Variants in SPTA1 observed in about 807,000 individuals in gnomAD.
SPTA1 encodes the protein spectrin alpha, erythrocytic 1.
A neutral mutation model predicts 324.7 loss-of-function variants in SPTA1; 177 were observed. That is an observed-to-expected ratio of 0.55 (90% CI 0.48 to 0.62). The LOEUF (loss-of-function observed/expected upper bound fraction) is 0.62. Ranked by LOEUF, SPTA1 falls within the 20% of genes least tolerant of loss-of-function variation. The pLI is 0.00. For synonymous variants in SPTA1, 1,195 were observed against 1,041.3 expected (o/e 1.15, Z -2.84); for missense variants, 3,162 against 2,883.6 (o/e 1.10, Z -2.21).
At chr1:158,612,755 C>T in intron 51 of SPTA1, 62 bp downstream of exon 51, 1 of 1,602,870 alleles carries the variant, frequency 6.2e-7, no homozygotes, top group Non-Finnish European at 8.5e-7. Context: ...GCCACCGGGC[C>T]TGAGATGACC....
At chr1:158,614,986 G>A (rs1166290773) in intron 48 of SPTA1, 5 of 527,274 alleles carry the variant, frequency 9.5e-6, no homozygotes, top group Non-Finnish European at 1.7e-5. Flanking sequence ...GTCAGTTGTT[G>A]TCCAAGTGGG....
In SPTA1 at chr1:158,615,381, G is replaced by T. The variant is rs751271842; in HGVS notation, c.6623C>A (p.Ala2208Glu). The T allele has an allele frequency of 6.2e-6, 10 of 1,613,910 alleles. No individual in the cohort carries two copies. In the African/African-American group the frequency reaches 1.2e-4, roughly 19 times the overall value. Residue 2208 changes from alanine to glutamate, a missense_variant, in exon 48 of 52, where the codon GCG (alanine) becomes GAG (glutamate). By Grantham distance (107) the Ala-to-Glu change is moderately radical. Transcript: ENST00000643759. Reference sequence around the variant, plus strand: ...AATCTTGGTTAGTTGACGCTTCATCGCCTGGATCTCCTTCTGTTTTCTCTG... The same window carrying T: ...AATCTTGGTTAGTTGACGCTTCATCTCCTGGATCTCCTTCTGTTTTCTCTG... The part of the protein sequence containing the change: ...ANKRKQKEIQ[A>E]MKRQLTKIVD...
chr1:158,647,460 G>T (rs983997304), intron 27 of SPTA1, 79 bp downstream of exon 27: 1 of 1,573,810 alleles, frequency 6.4e-7, no homozygotes, highest in Non-Finnish European at 8.7e-7. Context: ...AAAACCAGCA[G>T]TGAACAGCAT....
intron 2 of SPTA1, among the ~76,000 whole-genome samples, chr1:158,684,770 A>G (rs1655048591): frequency 6.6e-6 from 1 of 152,176 alleles, no homozygotes; most frequent in South Asian, 2.1e-4. Flanking sequence ...TGCCCTTATC[A>G]ATAAGCAATA....
chr1:158,683,100 T>G (rs1367893717), intron 3 of SPTA1, among the ~76,000 whole-genome samples: 2 of 152,024 alleles, frequency 1.3e-5, no homozygotes, highest in African/African-American at 4.8e-5. Flanking sequence ...GTGGAACAGG[T>G]TTAAGTGGGC....
At position 158,645,258 on chromosome 1, in the gene SPTA1, A is replaced by T. The variant is rs1157559707; in HGVS notation, c.4124T>A (p.Leu1375Gln). The T allele has an allele frequency of 1.9e-6, 3 of 1,613,946 alleles. No individual in the cohort carries two copies. The highest frequency in any genetic ancestry group is 2.2e-5 in the South Asian group (2 of 91,070). Residue 1375 changes from leucine (L) to glutamine (Q), a missense_variant, in exon 29 of 52, where the codon CTA (leucine) becomes CAA (glutamine). By Grantham distance (113) the Leu-to-Gln change is moderately radical (BLOSUM62 -2). Coordinates refer to ENST00000643759, the MANE Select transcript of SPTA1 (RefSeq NM_003126.4). ...AGCCTTCTCCAAATCATCTCTCTCT[A>T]GCTTGACAGCTTGAAGCTTTTTTTC... The part of the protein sequence containing the change: ...EIEKKLQAVK[L>Q]ERDDLEKAWE...
At chr1:158,674,709 G>C (rs1654284659) in intron 8 of SPTA1, 34 bp from the exon 9 acceptor site, 2 of 1,611,486 alleles carry the variant, frequency 1.2e-6, no homozygotes, top group South Asian at 2.2e-5. Flanking sequence ...ACAGGAAGGA[G>C]AAACCAGATA....
At position 158,674,356 on chromosome 1, in the gene SPTA1, A is replaced by G. The variant is rs1378689544; in HGVS notation, c.1323T>C (p.His441=). The change falls in exon 10 of 52, where the codon CAT becomes CAC. Residue 441 remains histidine (H), a synonymous_variant. Coordinates refer to ENST00000643759, the MANE Select transcript of SPTA1 (RefSeq NM_003126.4). ...ETGQDLVNAN[H]EASDEVREKM... is the part of the protein sequence containing the mutation. Reference sequence around the variant, plus strand: ...TTTCCCGAACTTCATCAGAGGCTTCATGATTGGCATTCACGAGGTCTTGAC... The same window carrying G: ...TTTCCCGAACTTCATCAGAGGCTTCGTGATTGGCATTCACGAGGTCTTGAC... The G allele has an allele frequency of 4.3e-6, 7 of 1,613,990 alleles. No individual in the cohort carries two copies. The highest frequency in any genetic ancestry group is 5.9e-6 in the Non-Finnish European group (7 of 1,179,966).
rs756893988 is a variant in SPTA1, at chr1:158,643,319, G to C, written c.4442+3C>G. 6.2e-7 allele frequency: 1 copy of C among 1,613,822 alleles called. No homozygotes were observed. ...GCACATAAAACAATCACTCAGGCCT[G>C]ACCTGTCTAGTACACGTTGGAGCCG... On this transcript the variant is annotated splice_donor_region_variant and intron_variant, in intron 31 of 51. Coordinates refer to ENST00000643759, the MANE Select transcript of SPTA1 (RefSeq NM_003126.4).
In SPTA1 at chr1:158,683,445, T is replaced by C. The variant is rs1321388973; in HGVS notation, c.316A>G (p.Arg106Gly). 11 of 1,613,258 alleles carry C rather than the reference T, an allele frequency of 6.8e-6. No homozygotes were observed. The highest frequency in any genetic ancestry group is 9.3e-6 in the Non-Finnish European group (11 of 1,179,528). ...SLEAEVQTKS[R>G]LMSELEKTRE... is the part of the protein sequence containing the mutation. ...GTTTTTTCCAGTTCAGACATGAGTC[T>C]TGATTTTGTTTGCACCTCTGCTTCA... The change falls in exon 3 of 52, where the codon AGA (arginine) becomes GGA (glycine). Residue 106 changes from arginine (R) to glycine (G), a missense_variant. Physicochemically the swap from Arg to Gly is moderately radical, Grantham distance 125. Coordinates refer to ENST00000643759, the MANE Select transcript of SPTA1 (RefSeq NM_003126.4).
intron 26 of SPTA1, among the ~76,000 whole-genome samples, chr1:158,648,128 C>G (rs1652136637): frequency 6.6e-6 from 1 of 152,120 alleles, no homozygotes; most frequent in South Asian, 2.1e-4. Flanking sequence ...CATTCAATTC[C>G]TTGCTAAGAA....
chr1:158,627,499 A>C, intron 40 of SPTA1, 126 bp downstream of exon 40: 1 of 917,534 alleles, frequency 1.1e-6, no homozygotes, highest in East Asian at 2.5e-5. Flanking sequence ...GCAGTTTAGA[A>C]GAGATTGTTA....
chr1:158,676,048 C>T (rs1654368761), intron 8 of SPTA1, 93 bp downstream of exon 8: 1 of 1,558,232 alleles, frequency 6.4e-7, no homozygotes, highest in Non-Finnish European at 8.8e-7. Flanking sequence ...GATTCTCTCG[C>T]TATTTGACTC....
chr1:158,654,997 G>T (rs974704430), intron 20 of SPTA1, among the ~76,000 whole-genome samples: 1 of 152,088 alleles, frequency 6.6e-6, no homozygotes, highest in East Asian at 1.9e-4. Flanking sequence ...TGTCAGAAAC[G>T]TATTAAATGC....
rs757863882 is a variant in SPTA1, at chr1:158,669,463, T to C, written c.1778A>G (p.Asp593Gly). The C allele has an allele frequency of 6.2e-7, 1 of 1,614,168 alleles. No individual in the cohort carries two copies. Among genetic ancestry groups the C allele is most frequent in the African/African-American group, 1.3e-5 (1 of 75,056 alleles). Residue 593 changes from aspartate (D) to glycine (G), a missense_variant, in exon 14 of 52, where the codon GAC (aspartate) becomes GGC (glycine). Transcript: ENST00000643759. Reference sequence around the variant, plus strand: ...CTTCTTGTTGATCCAGTTCTTTAGGTCATCTGAGTCCTCATACAGTTTTTG... The same window carrying C: ...CTTCTTGTTGATCCAGTTCTTTAGGCCATCTGAGTCCTCATACAGTTTTTG... ...LLQKLYEDSDDLKNWINKKKK... is the reference protein window; with the variant it reads ...LLQKLYEDSDGLKNWINKKKK...
rs551452394 is a variant in SPTA1 at position 158,655,162 on chromosome 1, G to A, written c.2899-414C>T. Among the ~76,000 whole-genome samples the A allele has an allele frequency of 2.6e-5, 4 of 152,264 alleles. No individual in the cohort carries two copies. The East Asian group carries it at 7.7e-4, about 29-fold the overall frequency. On this transcript the variant is annotated intron_variant, in intron 20 of 51. Transcript: ENST00000643759. ...GTCGTCACCTTTCCCTGTACCTCCA[G>A]TGATAATTCTTCCCACTCCTTCTGG...
intron 7 of SPTA1, 47 bp from the exon 8 acceptor site, chr1:158,676,342 T>A (rs1261202204): frequency 6.8e-6 from 11 of 1,607,362 alleles, no homozygotes; most frequent in Non-Finnish European, 8.5e-6. Flanking sequence ...GTACTCTGAC[T>A]CCCCCTGGCA....
chr1:158,643,026 C>T (rs1427696594), intron 31 of SPTA1, 50 bp from the exon 32 acceptor site: 2 of 1,608,546 alleles, frequency 1.2e-6, no homozygotes, highest in East Asian at 4.5e-5. Flanking sequence ...CCTTCCCATG[C>T]TCTGATGCCA....
At chr1:158,632,952 C>T (rs994154098) in intron 39 of SPTA1, among the ~76,000 whole-genome samples, 2 of 152,010 alleles carry the variant, frequency 1.3e-5, no homozygotes, top group African/African-American at 2.4e-5. Context: ...GTGAGTGGTT[C>T]GACTGTGATA....
Sources: allele counts gnomAD v4.1 joint callset (sites outside exome capture counted in the v4.1 genomes callset), GRCh38; gene constraint gnomAD v4.1.1; transcripts MANE v1.5; gene names NCBI Gene and HGNC (gene_info 2026-07-23, HGNC 2026-07-21).